Variants in UBE2R2 observed in about 807,000 individuals in gnomAD.
UBE2R2 encodes ubiquitin conjugating enzyme E2 R2, also known as ubiquitin-conjugating enzyme E2 R2.
In UBE2R2, 1 loss-of-function variant was observed where a neutral mutation model predicts 27.8. That is an observed-to-expected ratio of 0.04 (90% CI 0.01 to 0.17). UBE2R2 has a LOEUF of 0.17. UBE2R2 is among the 10% of genes least tolerant of loss of function. The probability of loss-of-function intolerance (pLI) is 1.00; values close to 1 mark genes in which losing one functional copy is unlikely to be tolerated. For missense variants in UBE2R2, 100 were observed against 291.0 expected (o/e 0.34, Z 4.78); for synonymous variants, 106 against 113.3 (o/e 0.94, Z 0.41).
At chr9:33,820,649 T>G (rs915775897) in intron 1 of UBE2R2, among the ~76,000 whole-genome samples, 1 of 152,264 alleles carries the variant, frequency 6.6e-6, no homozygotes, top group African/African-American at 2.4e-5. Context: ...TCTCCCTTAT[T>G]AAATGTTAGT....
intron 1 of UBE2R2, among the ~76,000 whole-genome samples, chr9:33,818,359 C>A (rs1460802105): frequency 3.4e-5 from 3 of 88,362 alleles, no homozygotes; most frequent in African/African-American, 1.0e-4. Flanking sequence ...TTGGACTTTT[C>A]TTTTTTGGGG....
chr9:33,867,191 A>AT (rs980282521), intron 1 of UBE2R2, among the ~76,000 whole-genome samples: 4 of 151,704 alleles, frequency 2.6e-5, no homozygotes, highest in African/African-American at 9.7e-5. Context: ...CCCGGCCATA[A>AT]TTTTTTTTAT....
At chr9:33,816,322 C>T (rs1286580158), upstream of UBE2R2, among the ~76,000 whole-genome samples, 1 of 152,122 alleles carries the variant, frequency 6.6e-6, no homozygotes, top group Non-Finnish European at 1.5e-5. Context: ...ATGATTATCT[C>T]GAAAGTCCCT....
chr9:33,906,649 G>A (rs1044277422), intron 3 of UBE2R2, among the ~76,000 whole-genome samples: 3 of 152,166 alleles, frequency 2.0e-5, no homozygotes, highest in African/African-American at 7.2e-5. Flanking sequence ...TGGTGACATA[G>A]TAGCTAACAG....
At chr9:33,868,973 G>C (rs1821422492) in intron 1 of UBE2R2, among the ~76,000 whole-genome samples, 1 of 152,166 alleles carries the variant, frequency 6.6e-6, no homozygotes, top group Non-Finnish European at 1.5e-5. Context: ...TTATTCATAT[G>C]TAATTGTTTT....
At chr9:33,820,562 TAAGAC>T (rs963399554) in intron 1 of UBE2R2, among the ~76,000 whole-genome samples, 3 of 152,244 alleles carry the variant, frequency 2.0e-5, no homozygotes, top group Non-Finnish European at 2.9e-5. Flanking sequence ...GCTTTTGTCT[TAAGAC>T]AAGGCTTTTA....
intron 1 of UBE2R2, among the ~76,000 whole-genome samples, chr9:33,822,906 A>ATTTTTTT (rs542620697): frequency 3.9e-5 from 5 of 127,868 alleles, no homozygotes; most frequent in Non-Finnish European, 6.5e-5. Context: ...CTTCTTATTA[A>ATTTTTTT]TTTTTTTTTT....
intron 2 of UBE2R2, among the ~76,000 whole-genome samples, 199 bp from the exon 3 acceptor site, chr9:33,899,975 T>C (rs1822210824): frequency 1.3e-5 from 2 of 152,232 alleles, no homozygotes; most frequent in Admixed American, 6.5e-5. Context: ...CTAGAAAATA[T>C]ACCTTGGAGA....
chr9:33,892,749 A>G (rs1564002043), intron 2 of UBE2R2, among the ~76,000 whole-genome samples: 1 of 152,206 alleles, frequency 6.6e-6, no homozygotes. Flanking sequence ...TTTCCTAAGT[A>G]TTGACATGCC....
At chr9:33,816,087 C>T (rs1475756915), upstream of UBE2R2, among the ~76,000 whole-genome samples, 2 of 151,926 alleles carry the variant, frequency 1.3e-5, no homozygotes, top group African/African-American at 4.8e-5. Flanking sequence ...CAAAACAAAA[C>T]CAAAAAACAA....
At chr9:33,902,968 A>T (rs1174904818) in intron 3 of UBE2R2, among the ~76,000 whole-genome samples, 1 of 152,014 alleles carries the variant, frequency 6.6e-6, no homozygotes, top group African/African-American at 2.4e-5. Context: ...GCATGGTGGC[A>T]CCTGCCTGTA....
chr9:33,856,010 A>G (rs1274044056), intron 1 of UBE2R2, among the ~76,000 whole-genome samples: 1 of 152,170 alleles, frequency 6.6e-6, no homozygotes, highest in Non-Finnish European at 1.5e-5. Flanking sequence ...GTGAGCCGAG[A>G]TTGTGCCACT....
intron 1 of UBE2R2, among the ~76,000 whole-genome samples, chr9:33,835,143 A>G (rs952615664): frequency 8.8e-6 from 1 of 113,714 alleles, no homozygotes; most frequent in African/African-American, 3.4e-5. Context: ...GTCTAAGTGT[A>G]GGTTTTTTTT....
Position 33,917,393 on chromosome 9 carries a change from G to A in UBE2R2, c.*156G>A. 1 of 1,175,606 alleles carries A rather than the reference G, an allele frequency of 8.5e-7. No individual in the cohort carries two copies. The highest frequency in any genetic ancestry group is 1.2e-6 in the Non-Finnish European group (1 of 850,804). The allele number at this position is 1,175,606 out of a possible 1,614,324, so 72.8% of individuals were successfully genotyped here. ...TGACTCCCCTTATGGATCTCAGTTT[G>A]CTCCTTTTTATGGACCTTTAATGGA... is the stretch of plus-strand genomic sequence containing the variant. On this transcript the variant is annotated 3_prime_UTR_variant, in exon 5 of 5. Transcript: ENST00000263228.
At chr9:33,830,798 T>G (rs1820456381) in intron 1 of UBE2R2, among the ~76,000 whole-genome samples, 1 of 151,866 alleles carries the variant, frequency 6.6e-6, no homozygotes, top group Non-Finnish European at 1.5e-5. Context: ...GATATCTGCT[T>G]TGCTTATTTG....
chr9:33,821,651 CTT>C (rs1825983696), intron 1 of UBE2R2, among the ~76,000 whole-genome samples: 1 of 151,384 alleles, frequency 6.6e-6, no homozygotes, highest in Non-Finnish European at 1.5e-5. Context: ...GAGTCTCACT[CTT>C]TTGCCAGGCT....
chr9:33,880,837 A>G (rs149610418), intron 1 of UBE2R2, among the ~76,000 whole-genome samples: 492 of 152,244 alleles, frequency 3.2e-3, no homozygotes, highest in Non-Finnish European at 4.7e-3. Context: ...AGTGTTCCTT[A>G]TGAGAATCTG....
intron 1 of UBE2R2, among the ~76,000 whole-genome samples, chr9:33,823,339 A>G (rs1820200107): frequency 6.6e-6 from 1 of 151,878 alleles, no homozygotes; most frequent in South Asian, 2.1e-4. Flanking sequence ...CACCCAGCCT[A>G]TTTTATGACT....
chr9:33,878,619 A>C (rs1217514417), intron 1 of UBE2R2, among the ~76,000 whole-genome samples: 1 of 152,186 alleles, frequency 6.6e-6, no homozygotes, highest in Non-Finnish European at 1.5e-5. Flanking sequence ...CCCCGTCTCA[A>C]ATTTACAAAA....
Sources: gnomAD v4.1 joint callset for allele counts (sites outside exome capture counted in the v4.1 genomes callset) on GRCh38, gnomAD v4.1.1 for gene constraint, MANE v1.5 for transcripts, NCBI Gene and HGNC (gene_info 2026-07-23, HGNC 2026-07-21) for gene names.